Variants in ACSBG1 observed in about 807,000 individuals in gnomAD.
ACSBG1 encodes the protein acyl-CoA synthetase bubblegum family member 1.
In ACSBG1, 39 loss-of-function variants were observed where a neutral mutation model predicts 80.2. The observed-to-expected ratio is 0.49, with a 90% confidence interval of 0.38 to 0.64. The LOEUF is 0.64. Ranked by LOEUF, ACSBG1 falls within the 30% of genes least tolerant of loss-of-function variation. The pLI is 0.00. For synonymous variants in ACSBG1, 392 were observed against 379.5 expected, an observed-to-expected ratio of 1.03 and a Z score of -0.38; for missense variants, 828 against 966.4, an observed-to-expected ratio of 0.86 and a Z score of 1.90.
At chr15:78,225,118 A>C (rs987859701) in intron 1 of ACSBG1, among the ~76,000 whole-genome samples, 1 of 152,166 alleles carries the variant, frequency 6.6e-6, no homozygotes, top group Non-Finnish European at 1.5e-5. Context: ...ATACAGTTTT[A>C]GCTAGGCACA....
intron 2 of ACSBG1, among the ~76,000 whole-genome samples, chr15:78,197,741 AAAT>A (rs2075128402): frequency 6.6e-6 from 1 of 150,624 alleles, no homozygotes; most frequent in Non-Finnish European, 1.5e-5. Context: ...AAAAAAAAAA[AAAT>A]AGAATGTTGA....
chr15:78,207,925 A>ACCCCCCACCCCCCCCCCACCCCCCCCC, intron 2 of ACSBG1, 77 bp downstream of exon 2: 1 of 454,978 alleles, frequency 2.2e-6, no homozygotes, highest in Non-Finnish European at 4.3e-6. Flanking sequence ...GGTCCCCCAC[A>ACCCCCCACCCCCCCCCCACCCCCCCCC]CCACCCACCC....
At position 78,177,470 on chromosome 15, in the gene ACSBG1, G is replaced by A. The variant is rs575217800; in HGVS notation, c.1702+1144C>T. On this transcript the variant is annotated intron_variant, in intron 11 of 13. Transcript: ENST00000258873. This position sits in a 1 kb window ranked among gnomAD's most constrained non-coding sequence, Gnocchi z 4.1. ...CTATACTAGTTCTAAAAGGAGGGCC[G>A]GCTCTGGTTGAATTTGGTTTTCTGG... Among the ~76,000 whole-genome samples, 1 of 152,316 alleles carries A rather than the reference G, an allele frequency of 6.6e-6. No homozygotes were observed. Among genetic ancestry groups the A allele is most frequent in the East Asian group, 1.9e-4 (1 of 5,188 alleles).
At position 78,169,451 on chromosome 15, in the gene ACSBG1, C is replaced by T. The variant is rs1486182415; in HGVS notation, c.*1993G>A. ...ATATTGACATAATAGCACAAAATGACACTCTTCTAAAACTAAATGGGCACA... is the reference window on the plus strand; with the variant it reads ...ATATTGACATAATAGCACAAAATGATACTCTTCTAAAACTAAATGGGCACA... On this transcript the variant is annotated 3_prime_UTR_variant, in exon 14 of 14. Transcript: ENST00000258873. 1.3e-5 allele frequency: 2 copies of T among 152,274 alleles called. No homozygotes were observed. Among genetic ancestry groups the T allele is most frequent in the Admixed American group, 1.3e-4 (2 of 15,286 alleles). 9.4% of individuals were successfully genotyped at this position (152,274 alleles called of 1,614,324 possible).
At chr15:78,186,084 G>T (rs1387993830) in intron 5 of ACSBG1, among the ~76,000 whole-genome samples, 1 of 152,202 alleles carries the variant, frequency 6.6e-6, no homozygotes, top group Non-Finnish European at 1.5e-5. Context: ...TGTATTGGGT[G>T]CATATATGTT....
chr15:78,196,637 C>T (rs2075116937), intron 2 of ACSBG1, among the ~76,000 whole-genome samples: 1 of 152,208 alleles, frequency 6.6e-6, no homozygotes, highest in Non-Finnish European at 1.5e-5. Context: ...AATAAAAACA[C>T]ATGTCCCCAC....
chr15:78,175,885 A>G (rs1380961465), intron 11 of ACSBG1, among the ~76,000 whole-genome samples: 1 of 152,086 alleles, frequency 6.6e-6, no homozygotes, highest in Non-Finnish European at 1.5e-5. Context: ...AATATGCCTC[A>G]TCATTGCTAC....
intron 1 of ACSBG1, among the ~76,000 whole-genome samples, chr15:78,215,985 C>T (rs2075309455): frequency 6.6e-6 from 1 of 152,224 alleles, no homozygotes; most frequent in Non-Finnish European, 1.5e-5. Context: ...TGGGAGGGAC[C>T]TCAGCCCTCA....
intron 1 of ACSBG1, among the ~76,000 whole-genome samples, chr15:78,230,387 C>T (rs898768373): frequency 6.6e-6 from 1 of 152,196 alleles, no homozygotes; most frequent in African/African-American, 2.4e-5. Flanking sequence ...TCTCAGCCTC[C>T]CCTTTCTTCC....
chr15:78,212,551 A>G (rs1321098222), intron 1 of ACSBG1: 1 of 455,926 alleles, frequency 2.2e-6, no homozygotes, highest in African/African-American at 2.0e-5. Flanking sequence ...TTCCTTACGC[A>G]GTCCTCAGGA....
At chr15:78,191,891 C>T (rs559677522) in intron 5 of ACSBG1, among the ~76,000 whole-genome samples, 58 of 152,252 alleles carry the variant, frequency 3.8e-4, no homozygotes, top group Non-Finnish European at 6.9e-4. Flanking sequence ...CTCCACAACC[C>T]GCCGCAAAGA....
Position 78,178,882 on chromosome 15 carries a change from GCC to G in ACSBG1, c.1485-53_1485-52del. ...GGTCAGAGGGAGCCGTCTCCTCCAA[GCC>G]CCCACTGGGGAGCCGGGGTCCCAAC... On this transcript the variant is annotated intron_variant, in intron 10 of 13. Coordinates refer to ENST00000258873, the MANE Select transcript of ACSBG1 (RefSeq NM_015162.5). This position sits in a 1 kb window ranked among gnomAD's most constrained non-coding sequence, Gnocchi z 4.3. 6.5e-7 allele frequency: 1 copy of G among 1,538,352 alleles called. No individual in the cohort carries two copies. The highest frequency in any genetic ancestry group is 8.7e-7 in the Non-Finnish European group (1 of 1,144,558).
intron 2 of ACSBG1, among the ~76,000 whole-genome samples, chr15:78,202,188 C>T (rs2075175497): frequency 6.6e-6 from 1 of 152,016 alleles, no homozygotes; most frequent in Non-Finnish European, 1.5e-5. Flanking sequence ...TTTCTTTTTA[C>T]TTTTATGTTC....
intron 2 of ACSBG1, among the ~76,000 whole-genome samples, chr15:78,196,293 G>A (rs1261098923): frequency 6.6e-6 from 1 of 152,220 alleles, no homozygotes; most frequent in East Asian, 1.9e-4. Context: ...CTAGCCTGGT[G>A]GACCCCGCTG....
At chr15:78,210,753 A>G (rs771502124) in intron 1 of ACSBG1, among the ~76,000 whole-genome samples, 18 of 152,310 alleles carry the variant, frequency 1.2e-4, no homozygotes, top group Middle Eastern at 6.8e-3. Context: ...AGCTGGGACT[A>G]CAGGACAGCA....
At position 78,180,885 on chromosome 15, in the gene ACSBG1, C is replaced by A. The variant is rs764922969; in HGVS notation, c.1123G>T (p.Val375Leu). The A allele has an allele frequency of 3.2e-5, 51 of 1,614,122 alleles. No homozygotes were observed. Among genetic ancestry groups the A allele is most frequent in the Non-Finnish European group, 4.2e-6 (5 of 1,180,054 alleles). The change falls in exon 9 of 14, where the codon GTG (valine) becomes TTG (leucine). Residue 375 changes from valine to leucine, a missense_variant. Around this residue, in one of 3 missense-constraint regions of ACSBG1, gnomAD observed 271 missense variants for 375.9 expected, o/e 0.72. Transcript: ENST00000258873. Reference sequence around the variant, plus strand: ...ATGATCTTCTCCCATACCCGGGGCACCCCCATGTGTGATGTGGGCTCCACC... The same window carrying A: ...ATGATCTTCTCCCATACCCGGGGCAACCCCATGTGTGATGTGGGCTCCACC... ...REVEPTSHMG[V>L]PRVWEKIMER... is the part of the protein sequence containing the mutation.
chr15:78,194,530 G>A lies in ACSBG1; in HGVS notation c.429C>T (p.Arg143=), dbSNP rs1255658987. ...CCTTCAGGAAGCCCTTGGCGGCTCT[G>A]CGGGCGAGCAGGTAGTATTGGGAGT... ...ISYSQYYLLA[R]RAAKGFLKLG... is the part of the protein sequence containing the mutation. Residue 143 remains arginine (R), a synonymous_variant, in exon 3 of 14, where the codon CGC becomes CGT. Coordinates refer to ENST00000258873, the MANE Select transcript of ACSBG1 (RefSeq NM_015162.5). The A allele has an allele frequency of 1.2e-6, 2 of 1,614,238 alleles. No homozygotes were observed. Among genetic ancestry groups the A allele is most frequent in the Admixed American group, 3.3e-5 (2 of 60,028 alleles).
intron 1 of ACSBG1, among the ~76,000 whole-genome samples, chr15:78,217,676 C>T (rs765899009): frequency 6.6e-6 from 1 of 151,928 alleles, no homozygotes; most frequent in Non-Finnish European, 1.5e-5. Flanking sequence ...AAGCGATTCT[C>T]CTGCCTCAGC....
Position 78,199,272 on chromosome 15 carries a change from G to C in ACSBG1, c.233-4546C>G, listed in dbSNP as rs115193971. Among the ~76,000 whole-genome samples, 522 of 151,924 alleles carry C rather than the reference G, an allele frequency of 3.4e-3. 4 individuals carry two copies. The highest frequency in any genetic ancestry group is 0.012 in the African/African-American group (502 of 41,472). ...TTTTTTTTGTATTTTTGGTAGAGAC[G>C]TGGGGGTTAGCCATGTTGCCCAGGC... On this transcript the variant is annotated intron_variant, in intron 2 of 13. Transcript: ENST00000258873.
Sources: allele counts gnomAD v4.1 joint callset (sites outside exome capture counted in the v4.1 genomes callset), GRCh38; gene constraint gnomAD v4.1.1; regional missense constraint gnomAD v4.1.1; non-coding constraint Gnocchi (gnomAD v3.1); transcripts MANE v1.5; gene names NCBI Gene and HGNC (gene_info 2026-07-23, HGNC 2026-07-21).